Variants in BRD7 observed in about 807,000 individuals in gnomAD.
The protein encoded by BRD7 is bromodomain containing 7.
BRD7 carries 15 observed loss-of-function variants against 82.1 expected under a neutral mutation model. The ratio of observed to expected loss-of-function variants is 0.18; its 90% confidence interval spans 0.12 to 0.28. The LOEUF (loss-of-function observed/expected upper bound fraction) is 0.28. Among genes scored for constraint, BRD7 ranks in the 10% least tolerant of loss-of-function variants. The probability of loss-of-function intolerance (pLI) is 1.00; values close to 1 mark genes in which losing one functional copy is unlikely to be tolerated. For synonymous variants in BRD7, 232 were observed against 266.9 expected (o/e 0.87, Z 1.27); for missense variants, 638 against 779.9 (o/e 0.82, Z 2.17).
At chr16:50,350,672 A>G (rs1298988873) in intron 4 of BRD7, among the ~76,000 whole-genome samples, 2 of 152,224 alleles carry the variant, frequency 1.3e-5, no homozygotes, top group Non-Finnish European at 2.9e-5. Flanking sequence ...TGCTAAAAAA[A>G]CTGACATTAA....
rs772475151 is a variant in BRD7 at position 50,333,627 on chromosome 16, G to A, written c.958C>T (p.Arg320Cys). The change falls in exon 8 of 17, where the codon CGC (arginine) becomes TGC (cysteine). Residue 320 changes from arginine to cysteine, a missense_variant. Arg to Cys is a radical substitution (Grantham distance 180). Around this residue, in one of 3 missense-constraint regions of BRD7, gnomAD observed 402 missense variants for 500.8 expected, o/e 0.80. Transcript: ENST00000394688. Reference sequence around the variant, plus strand: ...TTTCCTCCAGATTCCTTCACGATGCGGTCAAGCTGCTCCTGCTCTCTCTCT... The same window carrying A: ...TTTCCTCCAGATTCCTTCACGATGCAGTCAAGCTGCTCCTGCTCTCTCTCT... ...NLEREQEQLDRIVKESGGKLT... is the reference protein window; with the variant it reads ...NLEREQEQLDCIVKESGGKLT... The A allele has an allele frequency of 2.5e-6, 4 of 1,611,690 alleles. No homozygotes were observed. Among genetic ancestry groups the A allele is most frequent in the East Asian group, 4.5e-5 (2 of 44,866 alleles).
intron 13 of BRD7, 98 bp downstream of exon 13, chr16:50,321,884 T>C: frequency 2.6e-6 from 3 of 1,141,554 alleles, no homozygotes; most frequent in African/African-American, 1.6e-5. Context: ...CACTAACCTT[T>C]TTCCTTCTTA....
At chr16:50,368,449 C>G (rs2039238016) in intron 1 of BRD7, 151 bp from the exon 2 acceptor site, 1 of 925,104 alleles carries the variant, frequency 1.1e-6, no homozygotes. Context: ...GACCCCGGCC[C>G]GGGGGTGCGG....
intron 13 of BRD7, among the ~76,000 whole-genome samples, chr16:50,321,342 C>A (rs748991589): frequency 3.3e-5 from 5 of 152,078 alleles, no homozygotes; most frequent in Non-Finnish European, 5.9e-5. Context: ...GGGCGGATCA[C>A]CTGACATTAG....
intron 6 of BRD7, among the ~76,000 whole-genome samples, chr16:50,338,297 C>T (rs776560468): frequency 2.0e-5 from 3 of 152,126 alleles, no homozygotes; most frequent in Non-Finnish European, 2.9e-5. Context: ...ATTAGTTTCC[C>T]AAGTCTTTAG....
intron 13 of BRD7, 50 bp downstream of exon 13, chr16:50,321,932 C>T (rs1346636800): frequency 6.6e-7 from 1 of 1,524,212 alleles, no homozygotes; most frequent in Non-Finnish European, 9.0e-7. Flanking sequence ...TTCTCTTACT[C>T]CCCTTATTTT....
chr16:50,367,694 CATT>C (rs1166307012), intron 2 of BRD7, among the ~76,000 whole-genome samples: 5 of 152,184 alleles, frequency 3.3e-5, no homozygotes, highest in African/African-American at 1.2e-4. Flanking sequence ...ACAGATTTGG[CATT>C]ATAATATTTA....
Position 50,318,173 on chromosome 16 carries a change from T to C in BRD7, c.*1038A>G, listed in dbSNP as rs1008009850. On this transcript the variant is annotated 3_prime_UTR_variant, in exon 17 of 17. Transcript: ENST00000394688. Reference sequence around the variant, plus strand: ...TTTTATTTTCGTGGTCCTCATGAACTCACTAGAGATTAAAAGTAGACTCAA... The same window carrying C: ...TTTTATTTTCGTGGTCCTCATGAACCCACTAGAGATTAAAAGTAGACTCAA... 9 of 152,258 alleles carry C rather than the reference T, an allele frequency of 5.9e-5. No individual in the cohort carries two copies. The highest frequency in any genetic ancestry group is 1.9e-4 in the African/African-American group (8 of 41,440). The allele number at this position is 152,258 out of a possible 1,614,324, so 9.4% of individuals were successfully genotyped here. A position where few individuals can be genotyped will look rare whatever the true frequency, so the allele number is the denominator to read the frequency against.
At chr16:50,321,561 C>T (rs575177013) in intron 13 of BRD7, among the ~76,000 whole-genome samples, 52 of 79,824 alleles carry the variant, frequency 6.5e-4, no homozygotes, top group African/African-American at 2.7e-3. Context: ...AGCGGGACTC[C>T]ATCTCAAAAA....
chr16:50,333,483 T>C, intron 8 of BRD7, 91 bp downstream of exon 8: 2 of 1,505,666 alleles, frequency 1.3e-6, no homozygotes, highest in East Asian at 2.3e-5. Context: ...ATGGCAGATA[T>C]GGATTAAAAA....
At chr16:50,337,701 G>A (rs568226728) in intron 6 of BRD7, among the ~76,000 whole-genome samples, 1 of 152,288 alleles carries the variant, frequency 6.6e-6, no homozygotes, top group East Asian at 1.9e-4. Context: ...ACCATTCACG[G>A]AAGGGTGTGC....
intron 4 of BRD7, among the ~76,000 whole-genome samples, chr16:50,353,850 G>A (rs575716589): frequency 3.3e-4 from 50 of 150,592 alleles, no homozygotes; most frequent in Non-Finnish European, 6.8e-4. Context: ...TGCCCGCCTC[G>A]GCCTCCCAAA....
intron 2 of BRD7, among the ~76,000 whole-genome samples, chr16:50,365,200 G>A (rs1208086128): frequency 2.6e-5 from 4 of 152,190 alleles, no homozygotes; most frequent in African/African-American, 4.8e-5. Flanking sequence ...TCAGAAAACT[G>A]GGTGGTAAGA....
intron 16 of BRD7, 146 bp downstream of exon 16, chr16:50,319,741 G>A (rs1458227857): frequency 6.1e-6 from 6 of 983,686 alleles, no homozygotes; most frequent in Non-Finnish European, 9.0e-6. Flanking sequence ...TACCTTTTAT[G>A]TTAGGGACTT....
chr16:50,333,216 T>C (rs1467296140), intron 8 of BRD7, among the ~76,000 whole-genome samples: 3 of 152,240 alleles, frequency 2.0e-5, no homozygotes, highest in Non-Finnish European at 4.4e-5. Flanking sequence ...AATTCTGTAG[T>C]TCATGTTCCA....
intron 6 of BRD7, among the ~76,000 whole-genome samples, chr16:50,335,621 TAG>T (rs1161069315): frequency 6.6e-6 from 1 of 152,202 alleles, no homozygotes; most frequent in Non-Finnish European, 1.5e-5. Flanking sequence ...CTGGGTAAAA[TAG>T]AGTGCAACCT....
chr16:50,336,780 TA>T (rs1182720985), intron 6 of BRD7, among the ~76,000 whole-genome samples: 2 of 152,208 alleles, frequency 1.3e-5, no homozygotes, highest in African/African-American at 4.8e-5. Context: ...ATGCACAAAA[TA>T]AATTCAATTA....
At chr16:50,363,670 C>T (rs1262329112) in intron 2 of BRD7, among the ~76,000 whole-genome samples, 2,584 of 61,672 alleles carry the variant, frequency 0.042, 69 homozygotes, top group African/African-American at 0.08. Context: ...TGCGCGCGCG[C>T]GCGTGCGCGT....
intron 5 of BRD7, chr16:50,349,390 TA>T (rs879587633): frequency 0.1 from 25,329 of 251,670 alleles, no homozygotes; most frequent in South Asian, 0.18. Flanking sequence ...GAACTTAAAT[TA>T]AAAAAAAAAA....
Sources: gnomAD v4.1 joint callset for allele counts (sites outside exome capture counted in the v4.1 genomes callset) on GRCh38, gnomAD v4.1.1 for gene constraint, gnomAD v4.1.1 regional missense constraint, MANE v1.5 for transcripts, NCBI Gene and HGNC (gene_info 2026-07-23, HGNC 2026-07-21) for gene names.